The following TBC1D19 variants were observed in gnomAD, a reference collection of about 807,000 sequenced individuals.
TBC1D19 encodes the protein TBC1 domain family, member 19.
Under a neutral mutation model 89.0 loss-of-function variants are expected in TBC1D19, and 60 were observed. That is an observed-to-expected ratio of 0.67 (90% CI 0.55 to 0.84). TBC1D19 has a LOEUF of 0.84. TBC1D19 is among the 40% of genes least tolerant of loss of function. The pLI, the probability that TBC1D19 is intolerant of heterozygous loss-of-function variation, is 0.00. For synonymous variants in TBC1D19, 189 were observed against 199.7 expected, an observed-to-expected ratio of 0.95 and a Z score of 0.45; for missense variants, 500 against 610.8, an observed-to-expected ratio of 0.82 and a Z score of 1.91.
intron 19 of TBC1D19, among the ~76,000 whole-genome samples, chr4:26,753,494 A>G (rs1172282540): frequency 6.6e-6 from 1 of 152,076 alleles, no homozygotes; most frequent in African/African-American, 2.4e-5. Flanking sequence ...AACAAAAAAA[A>G]CTCATTAGAT....
chr4:26,794,498 A>G, the TBC1D19 span, among the ~76,000 whole-genome samples: 1 of 152,176 alleles, frequency 6.6e-6, no homozygotes, highest in Non-Finnish European at 1.5e-5. Context: ...GAAGAAATTA[A>G]AAGTCATAAA....
At chr4:26,645,206 A>G (rs544702550) in intron 7 of TBC1D19, among the ~76,000 whole-genome samples, 56 of 152,308 alleles carry the variant, frequency 3.7e-4, no homozygotes, top group African/African-American at 1.3e-3. Flanking sequence ...AGACAATCCT[A>G]AACAAAAAGA....
intron 13 of TBC1D19, among the ~76,000 whole-genome samples, chr4:26,694,338 A>C (rs895834817): frequency 2.0e-5 from 3 of 152,124 alleles, no homozygotes; most frequent in African/African-American, 7.2e-5. Flanking sequence ...AGTCAGCAGC[A>C]AGGCTGGGGG....
At position 26,753,898 on chromosome 4, in the gene TBC1D19, T is replaced by C. The variant is rs746851672; in HGVS notation, c.1506+8T>C. On this transcript the variant is annotated splice_region_variant and intron_variant, in intron 20 of 20. Coordinates refer to ENST00000264866, the MANE Select transcript of TBC1D19 (RefSeq NM_018317.4). The stretch of plus-strand genomic sequence containing the variant: ...TCACTGGCTGCAGCTGAAGTAAGGA[T>C]AAGTTTCACTCAGATGGGATGGAAA... The C allele has an allele frequency of 6.2e-7, 1 of 1,613,782 alleles. No individual in the cohort carries two copies. The highest frequency in any genetic ancestry group is 1.7e-5 in the Admixed American group (1 of 59,990).
chr4:26,780,068 C>A, the TBC1D19 span, among the ~76,000 whole-genome samples: 1 of 152,180 alleles, frequency 6.6e-6, no homozygotes, highest in Non-Finnish European at 1.5e-5. Context: ...GAAACACTTA[C>A]CCAGAATTCC....
chr4:26,655,327 A>G (rs536617371), intron 7 of TBC1D19, among the ~76,000 whole-genome samples: 49 of 152,328 alleles, frequency 3.2e-4, no homozygotes, highest in African/African-American at 9.6e-4. Context: ...TCAGGGACCC[A>G]CTTGAGGAGG....
intron 4 of TBC1D19, among the ~76,000 whole-genome samples, chr4:26,629,175 C>G (rs1742633922): frequency 6.6e-6 from 1 of 151,954 alleles, no homozygotes; most frequent in Non-Finnish European, 1.5e-5. Context: ...TCCTCTCATC[C>G]CATATGTTTC....
the TBC1D19 span, among the ~76,000 whole-genome samples, chr4:26,845,538 T>A: frequency 6.6e-6 from 1 of 152,170 alleles, no homozygotes; most frequent in Admixed American, 6.6e-5. Flanking sequence ...TCCCATTCCC[T>A]CCTCCCCTGA....
At chr4:26,641,614 T>A (rs1458705599) in intron 7 of TBC1D19, among the ~76,000 whole-genome samples, 1 of 143,844 alleles carries the variant, frequency 7.0e-6, no homozygotes, top group African/African-American at 2.5e-5. Flanking sequence ...AGAAAGTCGG[T>A]AATAACACAC....
chr4:26,740,144 A>G (rs559299052), intron 17 of TBC1D19, among the ~76,000 whole-genome samples, 171 bp downstream of exon 17: 36 of 152,208 alleles, frequency 2.4e-4, no homozygotes, highest in Non-Finnish European at 4.6e-4. Flanking sequence ...TGATATTTAA[A>G]TATTTTGGTA....
chr4:26,643,269 A>G (rs1040201085), intron 7 of TBC1D19, among the ~76,000 whole-genome samples: 1 of 152,236 alleles, frequency 6.6e-6, no homozygotes, highest in Admixed American at 6.5e-5. Flanking sequence ...CAGGATTAAG[A>G]AACTTACTCA....
intron 13 of TBC1D19, among the ~76,000 whole-genome samples, chr4:26,690,975 C>G (rs1354596942): frequency 6.6e-6 from 1 of 152,180 alleles, no homozygotes; most frequent in Non-Finnish European, 1.5e-5. Context: ...ATTCACCAAT[C>G]TAAATGCCAT....
At chr4:26,740,901 G>T (rs1718329405) in intron 17 of TBC1D19, 27 of 985,372 alleles carry the variant, frequency 2.7e-5, no homozygotes, top group Non-Finnish European at 3.1e-5. Context: ...CATCGCTAGT[G>T]AAAGTTGGCA....
chr4:26,820,423 A>G, the TBC1D19 span, among the ~76,000 whole-genome samples: 16 of 152,160 alleles, frequency 1.1e-4, no homozygotes, highest in African/African-American at 3.4e-4. Context: ...TAGAGTCCAC[A>G]TGTAAGTTGA....
the TBC1D19 span, among the ~76,000 whole-genome samples, chr4:26,837,897 G>A: frequency 6.6e-6 from 1 of 151,996 alleles, no homozygotes; most frequent in Admixed American, 6.6e-5. Context: ...CCAGAGAGAA[G>A]GAGATTTTAT....
chr4:26,700,101 C>G (rs1156569380), intron 13 of TBC1D19, among the ~76,000 whole-genome samples: 1 of 151,562 alleles, frequency 6.6e-6, no homozygotes, highest in African/African-American at 2.4e-5. Context: ...CAAACAGAGC[C>G]TCAGGGAAGT....
Position 26,640,154 on chromosome 4 carries a change from C to T in TBC1D19, c.447C>T (p.Phe149=). 1 of 1,608,996 alleles carries T rather than the reference C, an allele frequency of 6.2e-7. No individual in the cohort carries two copies. The highest frequency in any genetic ancestry group is 8.5e-7 in the Non-Finnish European group (1 of 1,176,502). ...ATCTTATTCTAGATTTAAGCCTTTTCAGACCTGTTTATGCACCTAAGGATT... is the reference window on the plus strand; with the variant it reads ...ATCTTATTCTAGATTTAAGCCTTTTTAGACCTGTTTATGCACCTAAGGATT... ...MGTDEPDLSL[F]RPVYAPKDFL... is the part of the protein sequence containing the mutation. The change falls in exon 7 of 21, where the codon TTC becomes TTT. Residue 149 remains phenylalanine (F), a synonymous_variant. Transcript: ENST00000264866.
At chr4:26,803,697 A>G in the TBC1D19 span, among the ~76,000 whole-genome samples, 3 of 152,294 alleles carry the variant, frequency 2.0e-5, no homozygotes, top group African/African-American at 7.2e-5. Flanking sequence ...AGGGATTAAC[A>G]GGGAGTAGGA....
At chr4:26,689,279 A>C (rs1021240404) in intron 13 of TBC1D19, among the ~76,000 whole-genome samples, 2 of 152,104 alleles carry the variant, frequency 1.3e-5, no homozygotes, top group African/African-American at 4.8e-5. Context: ...TGCATAATTA[A>C]AATTTTTTGT....
Sources: allele counts gnomAD v4.1 joint callset (sites outside exome capture counted in the v4.1 genomes callset), GRCh38; gene constraint gnomAD v4.1.1; transcripts MANE v1.5; gene names NCBI Gene and HGNC (gene_info 2026-07-23, HGNC 2026-07-21).